CEP70: variants seen among roughly 807,000 people sequenced by gnomAD.
The protein encoded by CEP70 is centrosomal protein of 70 kDa.
In CEP70, 70 loss-of-function variants were observed where a neutral mutation model predicts 90.9. The ratio of observed to expected loss-of-function variants is 0.77; its 90% CI spans 0.64 to 0.94. The LOEUF is 0.94. Among genes scored for constraint, CEP70 ranks in the 40% least tolerant of loss-of-function variants. The probability of loss-of-function intolerance (pLI) is 0.00; values close to 1 mark genes in which losing one functional copy is unlikely to be tolerated. For synonymous variants in CEP70, 220 were observed against 228.3 expected (o/e 0.96, Z 0.33); for missense variants, 648 against 669.0 (o/e 0.97, Z 0.35).
At chr3:138,531,583 A>C (rs2037816271) in intron 8 of CEP70, 1 of 152,190 alleles carries the variant, frequency 6.6e-6, no homozygotes. Flanking sequence ...TTCATTTGGA[A>C]GTCAGAAGGT....
chr3:138,576,820 A>G (rs549758182), intron 2 of CEP70, among the ~76,000 whole-genome samples: 12 of 152,348 alleles, frequency 7.9e-5, no homozygotes, highest in African/African-American at 2.9e-4. Flanking sequence ...GCACAACTAC[A>G]TGGAAACTGA....
At chr3:138,496,961 C>A (rs562612629) in intron 17 of CEP70, 1 of 989,342 alleles carries the variant, frequency 1.0e-6, no homozygotes, top group African/African-American at 1.7e-5. Context: ...ATGATGAGAA[C>A]ATCACTGCTT....
intron 6 of CEP70, among the ~76,000 whole-genome samples, chr3:138,549,367 T>C (rs949061500): frequency 4.0e-5 from 6 of 151,482 alleles, no homozygotes; most frequent in African/African-American, 1.5e-4. Context: ...GTGGGGCGGG[T>C]AGTGGGCATG....
chr3:138,511,430 A>G (rs2035529226), intron 11 of CEP70, among the ~76,000 whole-genome samples: 2 of 152,264 alleles, frequency 1.3e-5, no homozygotes, highest in Admixed American at 1.3e-4. Context: ...TATGGCCTCT[A>G]GAAGGACTAG....
At chr3:138,544,592 G>C (rs1217587735) in intron 6 of CEP70, among the ~76,000 whole-genome samples, 1 of 151,982 alleles carries the variant, frequency 6.6e-6, no homozygotes, top group Non-Finnish European at 1.5e-5. Context: ...ACATATTGAA[G>C]AGGTATCTGT....
intron 6 of CEP70, among the ~76,000 whole-genome samples, chr3:138,569,000 A>G (rs60682088): frequency 6.6e-6 from 1 of 151,818 alleles, no homozygotes; most frequent in Non-Finnish European, 1.5e-5. Flanking sequence ...CAAACAAAAA[A>G]AAAACACAAA....
chr3:138,537,025 G>T, intron 7 of CEP70, 153 bp downstream of exon 7: 3 of 390,480 alleles, frequency 7.7e-6, no homozygotes, highest in East Asian at 3.7e-5. Context: ...AAAAAGAACA[G>T]GATGAGCAGG....
chr3:138,500,135 C>T lies in CEP70; in HGVS notation c.1627G>A (p.Val543Ile), dbSNP rs777807406. Residue 543 changes from valine (V) to isoleucine (I), a missense_variant, in exon 16 of 18, where the codon GTA (valine) becomes ATA (isoleucine). Val to Ile is a conservative substitution (Grantham distance 29, BLOSUM62 3). Coordinates refer to ENST00000264982, the MANE Select transcript of CEP70 (RefSeq NM_024491.4). ...NEDVNEQVMQ[V>I]LGPEDLQSII... is the part of the protein sequence containing the mutation. ...CTCTGGAGGTCTTCAGGTCCTAATA[C>T]CTGCATAACCTGCTCATTCACATCT... 1 of 1,612,728 alleles carries T rather than the reference C, an allele frequency of 6.2e-7. No individual in the cohort carries two copies. Among genetic ancestry groups the T allele is most frequent in the South Asian group, 1.1e-5 (1 of 91,038 alleles).
intron 2 of CEP70, among the ~76,000 whole-genome samples, chr3:138,575,449 T>G (rs1342969453): frequency 6.6e-6 from 1 of 152,152 alleles, no homozygotes; most frequent in Non-Finnish European, 1.5e-5. Flanking sequence ...TATGGGACTA[T>G]GTGAAAAGAC....
At chr3:138,575,288 G>A (rs540061030) in intron 2 of CEP70, among the ~76,000 whole-genome samples, 161 of 152,312 alleles carry the variant, frequency 1.1e-3, no homozygotes, top group African/African-American at 3.7e-3. Flanking sequence ...ACCATGGCAC[G>A]AGAACTATGT....
At chr3:138,549,175 A>T (rs2039436186) in intron 6 of CEP70, among the ~76,000 whole-genome samples, 1 of 151,184 alleles carries the variant, frequency 6.6e-6, no homozygotes, top group Admixed American at 6.6e-5. Context: ...ACTTTCTAAC[A>T]ACTCCAACCG....
chr3:138,562,476 C>CT (rs1216267926), intron 6 of CEP70, among the ~76,000 whole-genome samples: 1 of 152,160 alleles, frequency 6.6e-6, no homozygotes, highest in Non-Finnish European at 1.5e-5. Context: ...TGGGGTTACC[C>CT]ACAAAGGGAA....
chr3:138,582,144 G>C (rs2041893826), intron 2 of CEP70, among the ~76,000 whole-genome samples: 1 of 152,118 alleles, frequency 6.6e-6, no homozygotes, highest in Non-Finnish European at 1.5e-5. Context: ...TTAATGAGCA[G>C]AAATTATTTG....
chr3:138,525,717 C>T (rs1319278064), intron 10 of CEP70, among the ~76,000 whole-genome samples, 153 bp from the exon 11 acceptor site: 1 of 152,148 alleles, frequency 6.6e-6, no homozygotes, highest in Non-Finnish European at 1.5e-5. Flanking sequence ...TTGGAGTTTA[C>T]TGGCCATTTA....
At chr3:138,553,935 A>AC (rs2039806778) in intron 6 of CEP70, among the ~76,000 whole-genome samples, 1 of 151,946 alleles carries the variant, frequency 6.6e-6, no homozygotes. Flanking sequence ...GGTGGCTCAC[A>AC]CCTGTAATCC....
At chr3:138,541,670 A>G (rs1251526817) in intron 6 of CEP70, among the ~76,000 whole-genome samples, 1 of 152,224 alleles carries the variant, frequency 6.6e-6, no homozygotes, top group African/African-American at 2.4e-5. Context: ...CTCTAATAAT[A>G]TAATTGTGGT....
chr3:138,555,728 C>T (rs530898216), intron 6 of CEP70, among the ~76,000 whole-genome samples: 1 of 152,300 alleles, frequency 6.6e-6, no homozygotes, highest in Non-Finnish European at 1.5e-5. Context: ...CACCTCACTC[C>T]CACAAGAATG....
intron 1 of CEP70, chr3:138,593,779 GAC>G (rs892795200): frequency 2.0e-5 from 3 of 152,192 alleles, no homozygotes; most frequent in Admixed American, 2.0e-4. Flanking sequence ...GCGGTTGTTT[GAC>G]ACAAAACTAG....
chr3:138,544,667 C>G (rs2039048198), intron 6 of CEP70, among the ~76,000 whole-genome samples: 1 of 151,936 alleles, frequency 6.6e-6, no homozygotes. Context: ...AGGTGTCCAT[C>G]AATGGATGAC....
Sources: allele counts gnomAD v4.1 joint callset (sites outside exome capture counted in the v4.1 genomes callset), GRCh38; gene constraint gnomAD v4.1.1; transcripts MANE v1.5; gene names NCBI Gene and HGNC (gene_info 2026-07-23, HGNC 2026-07-21).